The following RPF1 variants were observed in gnomAD, a reference collection of about 807,000 sequenced individuals.
RPF1 encodes the protein ribosome production factor 1.
RPF1 carries 34 observed loss-of-function variants against 41.9 expected under a neutral mutation model. The observed-to-expected ratio is 0.81, with a 90% CI of 0.62 to 1.08. The LOEUF (loss-of-function observed/expected upper bound fraction) is 1.08, where lower values mean the gene tolerates loss of function less well. Among genes scored for constraint, RPF1 ranks in the 50% least tolerant of loss-of-function variants. The pLI, the probability that RPF1 is intolerant of heterozygous loss-of-function variation, is 0.00. For missense variants in RPF1, 425 were observed against 435.2 expected (o/e 0.98, Z 0.21); for synonymous variants, 140 against 148.9 (o/e 0.94, Z 0.43).
At chr1:84,484,661 T>C (rs1456532538) in intron 3 of RPF1, among the ~76,000 whole-genome samples, 1 of 151,892 alleles carries the variant, frequency 6.6e-6, no homozygotes, top group Non-Finnish European at 1.5e-5. Context: ...GTCCCTTGCC[T>C]GAAATGCTTG....
At chr1:84,497,297 C>G (rs1179392100) in intron 8 of RPF1, 132 bp from the exon 9 acceptor site, 3 of 658,602 alleles carry the variant, frequency 4.6e-6, no homozygotes, top group African/African-American at 1.9e-5. Flanking sequence ...CGGGGTCTCG[C>G]ACAAACCCGG....
At chr1:84,492,846 G>C (rs1681860230) in intron 5 of RPF1, among the ~76,000 whole-genome samples, 1 of 152,202 alleles carries the variant, frequency 6.6e-6, no homozygotes, top group African/African-American at 2.4e-5. Flanking sequence ...AAATGCCTCT[G>C]TACATTTCCA....
intron 5 of RPF1, among the ~76,000 whole-genome samples, chr1:84,493,111 G>GT (rs1220785884): frequency 6.6e-6 from 1 of 152,144 alleles, no homozygotes; most frequent in Non-Finnish European, 1.5e-5. Context: ...GTAAGTTTGG[G>GT]TTTTGTACTT....
Position 84,479,331 on chromosome 1 carries a change from A to G in RPF1, c.50A>G (p.Lys17Arg). The G allele has an allele frequency of 6.2e-7, 1 of 1,612,242 alleles. No individual in the cohort carries two copies. The highest frequency in any genetic ancestry group is 8.5e-7 in the Non-Finnish European group (1 of 1,179,126). The change falls in exon 1 of 9, where the codon AAA (lysine) becomes AGA (arginine). Residue 17 changes from lysine to arginine, a missense_variant. Physicochemically the swap from Lys to Arg is conservative, Grantham distance 26. Transcript: ENST00000370654. ...AGCAGCAGCGGGAAGAAAAGTCTAAAACGGAAAGCCGCTGCCGAAGAACTT... is the reference window on the plus strand; with the variant it reads ...AGCAGCAGCGGGAAGAAAAGTCTAAGACGGAAAGCCGCTGCCGAAGAACTT... ...KSSSSGKKSL[K>R]RKAAAEELQE... is the part of the protein sequence containing the mutation.
At chr1:84,484,522 T>C (rs1570346098) in intron 3 of RPF1, among the ~76,000 whole-genome samples, 1 of 152,152 alleles carries the variant, frequency 6.6e-6, no homozygotes, top group Non-Finnish European at 1.5e-5. Flanking sequence ...CATTTGCTTT[T>C]TGTGACATTG....
intron 5 of RPF1, among the ~76,000 whole-genome samples, chr1:84,494,418 C>T (rs920994098): frequency 6.6e-6 from 1 of 152,158 alleles, no homozygotes; most frequent in Non-Finnish European, 1.5e-5. Context: ...GACTTGAAAC[C>T]ATCTGATTCT....
At chr1:84,496,566 TAA>T (rs34913814) in intron 8 of RPF1, among the ~76,000 whole-genome samples, 196 bp downstream of exon 8, 1,559 of 131,766 alleles carry the variant, frequency 0.012, 7 homozygotes, top group Middle Eastern at 0.017. Context: ...ACCCTTGAAC[TAA>T]AAAAAAAAAA....
chr1:84,488,414 A>G (rs1203939872), intron 3 of RPF1, among the ~76,000 whole-genome samples: 1 of 152,134 alleles, frequency 6.6e-6, no homozygotes, highest in Non-Finnish European at 1.5e-5. Flanking sequence ...TAAAAATGCA[A>G]TGGATTTTTG....
At position 84,482,981 on chromosome 1, in the gene RPF1, C is replaced by A; in HGVS notation, c.352C>A (p.Pro118Thr). 6.3e-7 allele frequency: 1 copy of A among 1,596,162 alleles called. No individual in the cohort carries two copies. The highest frequency in any genetic ancestry group is 1.1e-5 in the South Asian group (1 of 90,704). ...QRVYDETTVD[P>T]NDEEVAYDEA... ...AGTGTATGATGAAACCACAGTAGACCCTAATGATGAAGAGGTAATGTTAGA... is the reference window on the plus strand; with the variant it reads ...AGTGTATGATGAAACCACAGTAGACACTAATGATGAAGAGGTAATGTTAGA... Residue 118 changes from proline (P) to threonine (T), a missense_variant, in exon 3 of 9, where the codon CCT (proline) becomes ACT (threonine). Coordinates refer to ENST00000370654, the MANE Select transcript of RPF1 (RefSeq NM_025065.7).
rs998805235 is a variant in RPF1, at chr1:84,497,605, A to G, written c.*135A>G. 1 of 514,718 alleles carries G rather than the reference A, an allele frequency of 1.9e-6. No homozygotes were observed. The highest frequency in any genetic ancestry group is 3.4e-6 in the Non-Finnish European group (1 of 294,004). 31.9% of individuals were successfully genotyped at this position (514,718 alleles called of 1,614,324 possible). A position where few individuals can be genotyped will look rare whatever the true frequency, so the allele number is the denominator to read the frequency against. ...CCTTTCACGTCTGGACGAATTACCA[A>G]ATGCCATGAATTGCCACTGTGTGTT... On this transcript the variant is annotated 3_prime_UTR_variant, in exon 9 of 9. Transcript: ENST00000370654.
At position 84,495,889 on chromosome 1, in the gene RPF1, G is replaced by T. The variant is rs1681926105; in HGVS notation, c.707G>T (p.Gly236Val). ...TTTTCATTATTTTTCTAGAGAAGAGGCAAGGACCCCACAGAACACATACCT... is the reference window on the plus strand; with the variant it reads ...TTTTCATTATTTTTCTAGAGAAGAGTCAAGGACCCCACAGAACACATACCT... ...VRLRKEIKRR[G>V]KDPTEHIPEI... The change falls in exon 7 of 9, where the codon GGC (glycine) becomes GTC (valine). Residue 236 changes from glycine (G) to valine (V), a missense_variant. Transcript: ENST00000370654. 12 of 1,591,160 alleles carry T rather than the reference G, an allele frequency of 7.5e-6. No homozygotes were observed. Among genetic ancestry groups the T allele is most frequent in the Admixed American group, 1.8e-5 (1 of 56,012 alleles).
At chr1:84,481,960 A>T (rs998018124) in intron 2 of RPF1, among the ~76,000 whole-genome samples, 2 of 152,188 alleles carry the variant, frequency 1.3e-5, no homozygotes, top group Non-Finnish European at 2.9e-5. Context: ...GACTGTTTTG[A>T]CCTGCAGTAT....
chr1:84,480,340 G>C (rs1429215054), intron 1 of RPF1, among the ~76,000 whole-genome samples: 2 of 152,186 alleles, frequency 1.3e-5, no homozygotes, highest in African/African-American at 2.4e-5. Flanking sequence ...TTGAGGATCA[G>C]TAGGTGCTGG....
Position 84,479,309 on chromosome 1 carries a change from A to T in RPF1, c.28A>T (p.Ser10Cys), listed in dbSNP as rs61731619. Residue 10 changes from serine to cysteine, a missense_variant, in exon 1 of 9, where the codon AGC becomes TGC. Coordinates refer to ENST00000370654, the MANE Select transcript of RPF1 (RefSeq NM_025065.7). MAKAGDKSS[S>C]SGKKSLKRKA... ...GGCGAAAGCCGGGGATAAGAGCAGC[A>T]GCAGCGGGAAGAAAAGTCTAAAACG... The T allele has an allele frequency of 6.6e-4, 1,069 of 1,608,486 alleles. 15 individuals are homozygous for T. Among genetic ancestry groups the T allele is most frequent in the Admixed American group, 2.7e-4 (16 of 58,960 alleles).
chr1:84,479,477 A>T lies in RPF1; in HGVS notation c.196A>T (p.Met66Leu). 1 of 1,614,212 alleles carries T rather than the reference A, an allele frequency of 6.2e-7. No homozygotes were observed. The highest frequency in any genetic ancestry group is 8.5e-7 in the Non-Finnish European group (1 of 1,180,012). Reference sequence around the variant, plus strand: ...TAAAAACAAACAGCGGCGACACTTAATGTTCACGCGGTGGAAACAGCAGCA... The same window carrying T: ...TAAAAACAAACAGCGGCGACACTTATTGTTCACGCGGTGGAAACAGCAGCA... ...EIKNKQRRHL[M>L]FTRWKQQQRK... The change falls in exon 1 of 9, where the codon ATG becomes TTG. Residue 66 changes from methionine to leucine, a missense_variant. Transcript: ENST00000370654.
chr1:84,484,876 G>T (rs1377708841), intron 3 of RPF1, among the ~76,000 whole-genome samples: 1 of 152,030 alleles, frequency 6.6e-6, no homozygotes, highest in Non-Finnish European at 1.5e-5. Flanking sequence ...GTTTCACCAT[G>T]TTGGCCAGGT....
intron 2 of RPF1, 139 bp from the exon 3 acceptor site, chr1:84,482,776 T>C (rs889886599): frequency 1.8e-6 from 1 of 558,254 alleles, no homozygotes; most frequent in African/African-American, 1.9e-5. Context: ...GTTATTAGAA[T>C]TGATGTAGCA....
Position 84,497,150 on chromosome 1 carries a change from G to A in RPF1, c.1009-279G>A, listed in dbSNP as rs866967572. On this transcript the variant is annotated intron_variant, in intron 8 of 8. Coordinates refer to ENST00000370654, the MANE Select transcript of RPF1 (RefSeq NM_025065.7). Reference sequence around the variant, plus strand: ...CTCCCAAAGTGCTGGGATTACAGGTGTGAGCCACCGTGCATGGCCTAAAAC... The same window carrying A: ...CTCCCAAAGTGCTGGGATTACAGGTATGAGCCACCGTGCATGGCCTAAAAC... Among the ~76,000 whole-genome samples the A allele has an allele frequency of 2.6e-5, 4 of 151,234 alleles. No individual in the cohort carries two copies. In the Admixed American group the frequency reaches 2.7e-4, roughly 10 times the overall value.
At chr1:84,491,860 TA>T (rs1446701312) in intron 5 of RPF1, among the ~76,000 whole-genome samples, 1 of 152,190 alleles carries the variant, frequency 6.6e-6, no homozygotes, top group African/African-American at 2.4e-5. Flanking sequence ...CTATTGCCTT[TA>T]AAAAGTTTAC....
Sources: gnomAD v4.1 joint callset for allele counts (sites outside exome capture counted in the v4.1 genomes callset) on GRCh38, gnomAD v4.1.1 for gene constraint, MANE v1.5 for transcripts, NCBI Gene and HGNC (gene_info 2026-07-23, HGNC 2026-07-21) for gene names.